The following GLRB variants were observed in gnomAD, a reference collection of about 807,000 sequenced individuals.
GLRB encodes the protein glycine receptor subunit beta.
In GLRB, 33 loss-of-function variants were observed where a neutral mutation model predicts 54.2. The ratio of observed to expected loss-of-function variants is 0.61; its 90% CI spans 0.46 to 0.81. GLRB has a LOEUF of 0.81. GLRB is among the 40% of genes least tolerant of loss of function. The pLI is 0.00. For missense variants in GLRB, 572 were observed against 584.6 expected, an observed-to-expected ratio of 0.98 and a Z score of 0.22; for synonymous variants, 209 against 208.2, an observed-to-expected ratio of 1.00 and a Z score of -0.03.
At chr4:157,134,687 T>C (rs1366317584) in intron 4 of GLRB, among the ~76,000 whole-genome samples, 3 of 152,124 alleles carry the variant, frequency 2.0e-5, no homozygotes, top group Non-Finnish European at 4.4e-5. Context: ...TGAAATGCTC[T>C]TGTCAAGAAT....
chr4:157,100,960 T>C (rs1365538783), intron 2 of GLRB, among the ~76,000 whole-genome samples: 1 of 152,174 alleles, frequency 6.6e-6, no homozygotes, highest in Admixed American at 6.5e-5. Context: ...GCCAGTATTT[T>C]TCCTGGGCTG....
chr4:157,164,779 G>A (rs1343901670), intron 9 of GLRB, among the ~76,000 whole-genome samples: 1 of 152,030 alleles, frequency 6.6e-6, no homozygotes, highest in Non-Finnish European at 1.5e-5. Context: ...AATACATTCA[G>A]ATTATTTATG....
At chr4:157,105,966 A>C (rs571674166) in intron 2 of GLRB, among the ~76,000 whole-genome samples, 36 of 152,266 alleles carry the variant, frequency 2.4e-4, no homozygotes, top group Admixed American at 2.2e-3. Flanking sequence ...TCACCATTAT[A>C]GTAATATGAT....
chr4:157,137,494 A>C (rs1481287143), intron 6 of GLRB, among the ~76,000 whole-genome samples: 1 of 151,806 alleles, frequency 6.6e-6, no homozygotes, highest in East Asian at 1.9e-4. Context: ...AAAAAAAAAA[A>C]CACAAATGCA....
At chr4:157,156,411 T>A (rs1431076734) in intron 9 of GLRB, among the ~76,000 whole-genome samples, 2 of 152,198 alleles carry the variant, frequency 1.3e-5, no homozygotes, top group African/African-American at 4.8e-5. Flanking sequence ...CTTTACTGAA[T>A]TCGTTTATCA....
rs768253376 is a variant in GLRB, at chr4:157,170,516, AG to A, written c.1283del (p.Arg428LysfsTer91). ...NDFSIVGSLP[R>X]DFELSNYDCY... Reference sequence around the variant, plus strand: ...CTTCAGCATTGTTGGAAGCTTACCAAGAGATTTTGAACTATCCAATTATGAC... The same window carrying A: ...CTTCAGCATTGTTGGAAGCTTACCAAAGATTTTGAACTATCCAATTATGAC... On this transcript the variant is annotated frameshift_variant, in exon 10 of 10. Coordinates refer to ENST00000264428, the MANE Select transcript of GLRB (RefSeq NM_000824.5). LOFTEE classifies it high-confidence loss of function. 1 of 1,611,104 alleles carries A rather than the reference AG, an allele frequency of 6.2e-7. No homozygotes were observed. Among genetic ancestry groups the A allele is most frequent in the Non-Finnish European group, 8.5e-7 (1 of 1,177,440 alleles).
In GLRB at chr4:157,152,979, C is replaced by G; in HGVS notation, c.1166C>G (p.Thr389Arg). The G allele has an allele frequency of 6.2e-7, 1 of 1,613,840 alleles. No individual in the cohort carries two copies. Among genetic ancestry groups the G allele is most frequent in the South Asian group, 1.1e-5 (1 of 91,078 alleles). The change falls in exon 9 of 10, where the codon ACA (threonine) becomes AGA (arginine). Residue 389 changes from threonine to arginine, a missense_variant. Coordinates refer to ENST00000264428, the MANE Select transcript of GLRB (RefSeq NM_000824.5). Reference protein sequence around the residue: ...NVAKKNTVNGTGTPVHISTLQ... With the variant: ...NVAKKNTVNGRGTPVHISTLQ... ...GCTAAAAAGAATACTGTGAATGGAACAGGGACTCCTGTTCATATTAGCACT... is the reference window on the plus strand; with the variant it reads ...GCTAAAAAGAATACTGTGAATGGAAGAGGGACTCCTGTTCATATTAGCACT...
chr4:157,099,082 G>A lies in GLRB; in HGVS notation c.122+20936G>A, dbSNP rs139177392. On this transcript the variant is annotated intron_variant, in intron 2 of 9. Coordinates refer to ENST00000264428, the MANE Select transcript of GLRB (RefSeq NM_000824.5). ...GTGAGGACAAACAGCTCAGCTACTC[G>A]TTTATGAGACAAAGAAGGGACGTTT... is the stretch of plus-strand genomic sequence containing the variant. Among the ~76,000 whole-genome samples the A allele has an allele frequency of 1.3e-4, 20 of 152,180 alleles. No individual in the cohort carries two copies. In the East Asian group the frequency reaches 2.7e-3, roughly 21 times the overall value.
At chr4:157,094,833 G>A (rs1010068128) in intron 2 of GLRB, among the ~76,000 whole-genome samples, 4 of 152,126 alleles carry the variant, frequency 2.6e-5, no homozygotes, top group Non-Finnish European at 5.9e-5. Context: ...TATACTCTAT[G>A]AACCAGCCAT....
At chr4:157,096,644 TG>T (rs1291679445) in intron 2 of GLRB, among the ~76,000 whole-genome samples, 1 of 152,194 alleles carries the variant, frequency 6.6e-6, no homozygotes, top group Non-Finnish European at 1.5e-5. Flanking sequence ...GTGGGATCTG[TG>T]CCCAGGACAC....
intron 9 of GLRB, among the ~76,000 whole-genome samples, chr4:157,163,081 C>T (rs181602351): frequency 5.2e-4 from 79 of 152,312 alleles, no homozygotes; most frequent in Admixed American, 2.6e-3. Flanking sequence ...AGTTCGATCT[C>T]AGACTGCTGT....
intron 4 of GLRB, among the ~76,000 whole-genome samples, chr4:157,134,160 TG>T (rs1736316678): frequency 6.6e-6 from 1 of 152,082 alleles, no homozygotes; most frequent in African/African-American, 2.4e-5. Flanking sequence ...GATAATACTG[TG>T]AACATTATTA....
intron 8 of GLRB, among the ~76,000 whole-genome samples, chr4:157,144,382 AT>A (rs1226197396): frequency 1.3e-5 from 2 of 152,180 alleles, no homozygotes; most frequent in African/African-American, 4.8e-5. Context: ...ACGAAAAATT[AT>A]GTAACCATCA....
intron 2 of GLRB, among the ~76,000 whole-genome samples, chr4:157,101,644 G>C (rs958581059): frequency 1.3e-5 from 2 of 151,814 alleles, no homozygotes. Context: ...TAACTTTTTC[G>C]AGTTTTTCCT....
chr4:157,168,477 G>A (rs1376361026), intron 9 of GLRB, among the ~76,000 whole-genome samples: 1 of 152,000 alleles, frequency 6.6e-6, no homozygotes. Context: ...GAGGTAGTAT[G>A]ATAATGAAAC....
chr4:157,171,180 A>G lies in GLRB; in HGVS notation c.*452A>G, dbSNP rs1251779089. On this transcript the variant is annotated 3_prime_UTR_variant, in exon 10 of 10. Coordinates refer to ENST00000264428, the MANE Select transcript of GLRB (RefSeq NM_000824.5). ...TTTAGATGGTATTATCACAGATTTAAAAAGGTTGTATTACATATTGTTTAA... is the reference window on the plus strand; with the variant it reads ...TTTAGATGGTATTATCACAGATTTAGAAAGGTTGTATTACATATTGTTTAA... 6.5e-6 allele frequency: 1 copy of G among 152,918 alleles called. No individual in the cohort carries two copies. Among genetic ancestry groups the G allele is most frequent in the Non-Finnish European group, 1.5e-5 (1 of 68,216 alleles). The allele number at this position is 152,918 out of a possible 1,614,324, so 9.5% of individuals were successfully genotyped here.
intron 2 of GLRB, among the ~76,000 whole-genome samples, chr4:157,089,173 T>G (rs1164420419): frequency 1.3e-5 from 2 of 152,092 alleles, no homozygotes; most frequent in Non-Finnish European, 2.9e-5. Flanking sequence ...GAGGATCACT[T>G]GAGCCCAGGA....
At chr4:157,146,979 T>C (rs763022741) in intron 8 of GLRB, among the ~76,000 whole-genome samples, 1 of 152,166 alleles carries the variant, frequency 6.6e-6, no homozygotes, top group Non-Finnish European at 1.5e-5. Context: ...GAAATTGACC[T>C]TAGCCGAGAT....
chr4:157,150,783 C>A (rs1286375308), intron 8 of GLRB, among the ~76,000 whole-genome samples: 1 of 151,988 alleles, frequency 6.6e-6, no homozygotes, highest in African/African-American at 2.4e-5. Context: ...TTTCCTTCTT[C>A]CTTGAATCAG....
Sources: gnomAD v4.1 joint callset for allele counts (sites outside exome capture counted in the v4.1 genomes callset) on GRCh38, gnomAD v4.1.1 for gene constraint, MANE v1.5 for transcripts, NCBI Gene and HGNC (gene_info 2026-07-23, HGNC 2026-07-21) for gene names.